The following MYH9 variants were observed in gnomAD, a reference collection of about 807,000 sequenced individuals.
MYH9 encodes myosin-9.
MYH9 carries 29 observed loss-of-function variants against 241.9 expected under a neutral mutation model. The observed-to-expected ratio is 0.12, with a 90% confidence interval of 0.09 to 0.16. MYH9 has a LOEUF of 0.16. MYH9 is among the 10% of genes least tolerant of loss of function. The pLI, the probability that MYH9 is intolerant of heterozygous loss-of-function variation, is 1.00. For missense variants in MYH9, 1,803 were observed against 2,595.5 expected, an observed-to-expected ratio of 0.69 and a Z score of 6.63; for synonymous variants, 1,047 against 1,062.6, an observed-to-expected ratio of 0.99 and a Z score of 0.29.
intron 1 of MYH9, among the ~76,000 whole-genome samples, chr22:36,384,211 C>A (rs2018303227): frequency 1.3e-5 from 2 of 151,338 alleles, no homozygotes; most frequent in Admixed American, 6.6e-5. Context: ...GCAGAGGTTG[C>A]AGTGAGCTGA....
intron 3 of MYH9, among the ~76,000 whole-genome samples, chr22:36,341,110 GA>G (rs1161781406): frequency 1.3e-5 from 2 of 152,216 alleles, no homozygotes; most frequent in Non-Finnish European, 2.9e-5. Flanking sequence ...AAGAGCTCTT[GA>G]AAAGTATGAG....
rs774602087 is a variant in MYH9 at position 36,321,790 on chromosome 22, T to C, written c.737A>G (p.Asn246Ser). 6.8e-6 allele frequency: 11 copies of C among 1,614,048 alleles called. No individual in the cohort carries two copies. The highest frequency in any genetic ancestry group is 1.6e-4 in the Middle Eastern group (1 of 6,084). The change falls in exon 7 of 41, where the codon AAT (asparagine) becomes AGT (serine). Residue 246 changes from asparagine to serine, a missense_variant. By Grantham distance (46) the Asn-to-Ser change is conservative. Around this residue, in one of 11 missense-constraint regions of MYH9, gnomAD observed 222 missense variants for 359.9 expected, o/e 0.62. Coordinates refer to ENST00000216181, the MANE Select transcript of MYH9 (RefSeq NM_002473.6). The stretch of plus-strand genomic sequence containing the variant: ...AATGTTGGCTCCAACAATGTAGCCA[T>C]TGACATCAAAGTTGATGCGAATGAA... ...GKFIRINFDV[N>S]GYIVGANIET...
chr22:36,306,339 G>A lies in MYH9; in HGVS notation c.2037+75C>T. The A allele has an allele frequency of 1.3e-6, 2 of 1,574,554 alleles. No homozygotes were observed. The highest frequency in any genetic ancestry group is 1.7e-6 in the Non-Finnish European group (2 of 1,152,848). ...GCTGGGGGGCTGGAGGGGTGCTTTT[G>A]CTGGGGAGACAGACAAGGGCTGAGC... On this transcript the variant is annotated intron_variant, in intron 16 of 40. Transcript: ENST00000216181. The surrounding 1 kb of genome is among the most constrained non-coding windows in gnomAD (Gnocchi z 4.1).
At chr22:36,326,500 G>T in intron 5 of MYH9, 68 bp downstream of exon 5, 1 of 1,360,442 alleles carries the variant, frequency 7.4e-7, no homozygotes, top group Non-Finnish European at 1.1e-6. Flanking sequence ...GGACCACTAA[G>T]TGCTCTTCCT....
intron 5 of MYH9, 144 bp downstream of exon 5, chr22:36,326,424 C>T (rs1045823748): frequency 3.6e-6 from 3 of 832,742 alleles, no homozygotes; most frequent in Non-Finnish European, 6.2e-6. Flanking sequence ...CACGCCACTG[C>T]CTCAATGGAA....
At chr22:36,362,850 C>T (rs1409787220) in intron 1 of MYH9, among the ~76,000 whole-genome samples, 1 of 152,146 alleles carries the variant, frequency 6.6e-6, no homozygotes, top group Non-Finnish European at 1.5e-5. Context: ...TGAGGCCAGC[C>T]CTGCCATCAC....
chr22:36,298,558 T>C (rs2016824098), intron 24 of MYH9, among the ~76,000 whole-genome samples: 1 of 152,174 alleles, frequency 6.6e-6, no homozygotes, highest in South Asian at 2.1e-4. Context: ...AGCTAGTCAG[T>C]GACAGAGCTA....
At chr22:36,361,563 C>CA (rs2017936384) in intron 1 of MYH9, among the ~76,000 whole-genome samples, 1 of 151,998 alleles carries the variant, frequency 6.6e-6, no homozygotes, top group African/African-American at 2.4e-5. Flanking sequence ...ATTAAATGAA[C>CA]AATTTCTTTT....
chr22:36,300,724 A>T lies in MYH9; in HGVS notation c.2838+127T>A. The T allele has an allele frequency of 1.9e-6, 2 of 1,056,610 alleles. No individual in the cohort carries two copies. The highest frequency in any genetic ancestry group is 1.4e-6 in the Non-Finnish European group (1 of 707,576). The allele number at this position is 1,056,610 out of a possible 1,614,324, so 65.5% of individuals were successfully genotyped here. A position where few individuals can be genotyped will look rare whatever the true frequency, so the allele number is the denominator to read the frequency against. On this transcript the variant is annotated intron_variant, in intron 22 of 40. Coordinates refer to ENST00000216181, the MANE Select transcript of MYH9 (RefSeq NM_002473.6). The surrounding 1 kb of genome is among the most constrained non-coding windows in gnomAD (Gnocchi z 5.0). ...GGGAACACCTCTCACTGAGAGCCCC[A>T]AGCAGATTGCGTGAGGAGCAGCCTC...
chr22:36,311,397 G>A (rs535077776), intron 14 of MYH9, among the ~76,000 whole-genome samples: 4 of 152,040 alleles, frequency 2.6e-5, no homozygotes, highest in Non-Finnish European at 5.9e-5. Flanking sequence ...CATGTTTGGC[G>A]ATGTCTGGAG....
intron 1 of MYH9, among the ~76,000 whole-genome samples, chr22:36,357,693 C>T (rs1184162610): frequency 3.3e-5 from 5 of 152,070 alleles, no homozygotes; most frequent in African/African-American, 1.2e-4. Flanking sequence ...AGTGCACGGG[C>T]CAAATCTCCT....
intron 38 of MYH9, 62 bp from the exon 39 acceptor site, chr22:36,284,573 C>T: frequency 1.3e-6 from 2 of 1,526,324 alleles, no homozygotes; most frequent in Non-Finnish European, 1.8e-6. Flanking sequence ...GGCCAACAAG[C>T]CCTAACCAGG....
At chr22:36,348,500 C>T (rs1459842718) in intron 2 of MYH9, among the ~76,000 whole-genome samples, 1 of 114,304 alleles carries the variant, frequency 8.7e-6, no homozygotes, top group Non-Finnish European at 1.8e-5. Context: ...CAGAGCAAGA[C>T]TCCGTCTCAA....
At chr22:36,309,240 C>T (rs373832777) in intron 15 of MYH9, 42 bp downstream of exon 15, 131 of 1,543,974 alleles carry the variant, frequency 8.5e-5, no homozygotes, top group East Asian at 2.0e-4. Context: ...GATGACCAGC[C>T]GCAGCCAAGA....
chr22:36,335,272 C>T (rs2017480918), intron 3 of MYH9, among the ~76,000 whole-genome samples: 1 of 152,262 alleles, frequency 6.6e-6, no homozygotes, highest in Non-Finnish European at 1.5e-5. Flanking sequence ...TCAGCCAGCA[C>T]AGAGAGACCA....
In MYH9 at chr22:36,295,635, C is replaced by T; in HGVS notation, c.3355G>A (p.Asp1119Asn). 1 of 1,613,854 alleles carries T rather than the reference C, an allele frequency of 6.2e-7. No homozygotes were observed. The change falls in exon 26 of 41, where the codon GAC becomes AAC. Residue 1119 changes from aspartate (D) to asparagine (N), a missense_variant. Physicochemically the swap from Asp to Asn is conservative, Grantham distance 23. Around this residue, in one of 11 missense-constraint regions of MYH9, gnomAD observed 290 missense variants for 360.5 expected, o/e 0.80. Transcript: ENST00000216181. The surrounding 1 kb of genome is among the most constrained non-coding windows in gnomAD (Gnocchi z 4.1). Reference protein sequence around the residue: ...LESQISELQEDLESERASRNK... With the variant: ...LESQISELQENLESERASRNK... Reference sequence around the variant, plus strand: ...CTGGAAGCACGCTCAGACTCCAGGTCTTCCTGGAGTTCAGAGATCTGAGAT... The same window carrying T: ...CTGGAAGCACGCTCAGACTCCAGGTTTTCCTGGAGTTCAGAGATCTGAGAT...
In MYH9 at chr22:36,329,646, G is replaced by C. The variant is rs553098359; in HGVS notation, c.491-2158C>G. Among the ~76,000 whole-genome samples the C allele has an allele frequency of 6.6e-6, 1 of 152,284 alleles. No individual in the cohort carries two copies. The highest frequency in any genetic ancestry group is 1.9e-4 in the East Asian group (1 of 5,182). On this transcript the variant is annotated intron_variant, in intron 3 of 40. Transcript: ENST00000216181. This position sits in a 1 kb window ranked among gnomAD's most constrained non-coding sequence, Gnocchi z 4.1. Reference sequence around the variant, plus strand: ...ATTCCCCAACCCTTCCAGAGGAACCGTTTTCCCAGGGCTGTCCCTAGGATG... The same window carrying C: ...ATTCCCCAACCCTTCCAGAGGAACCCTTTTCCCAGGGCTGTCCCTAGGATG...
intron 1 of MYH9, among the ~76,000 whole-genome samples, chr22:36,373,509 A>C (rs2018119360): frequency 6.6e-6 from 1 of 152,136 alleles, no homozygotes; most frequent in South Asian, 2.1e-4. Context: ...TCTCACCACT[A>C]CTGACAAAGT....
At chr22:36,303,923 TAA>T in intron 19 of MYH9, 70 bp downstream of exon 19, 1 of 1,583,290 alleles carries the variant, frequency 6.3e-7, no homozygotes, top group Non-Finnish European at 8.6e-7. Context: ...GGTGGCCTGC[TAA>T]GTGCCCTTTG....
Sources: allele counts gnomAD v4.1 joint callset (sites outside exome capture counted in the v4.1 genomes callset), GRCh38; gene constraint gnomAD v4.1.1; regional missense constraint gnomAD v4.1.1; non-coding constraint Gnocchi (gnomAD v3.1); transcripts MANE v1.5; gene names NCBI Gene and HGNC (gene_info 2026-07-23, HGNC 2026-07-21).